MYH15: variants seen among roughly 807,000 people sequenced by gnomAD.
The protein encoded by MYH15 is myosin-15.
A neutral mutation model predicts 240.5 loss-of-function variants in MYH15; 227 were observed. That is an observed-to-expected ratio of 0.94 (90% CI 0.85 to 1.05). The LOEUF (loss-of-function observed/expected upper bound fraction) is 1.05. MYH15 is among the 50% of genes least tolerant of loss of function. The pLI is 0.00. For missense variants in MYH15, 2,217 were observed against 2,247.5 expected (o/e 0.99, Z 0.27); for synonymous variants, 785 against 796.7 (o/e 0.99, Z 0.25).
intron 21 of MYH15, among the ~76,000 whole-genome samples, chr3:108,450,349 T>C (rs995252964): frequency 2.6e-5 from 4 of 152,292 alleles, no homozygotes; most frequent in Admixed American, 2.0e-4. Context: ...AAATATACAA[T>C]GAAATATTAT....
At chr3:108,425,076 G>A (rs563696670) in intron 27 of MYH15, among the ~76,000 whole-genome samples, 1 of 152,340 alleles carries the variant, frequency 6.6e-6, no homozygotes, top group East Asian at 1.9e-4. Flanking sequence ...AGTATAAAGA[G>A]GGACCCCAAA....
chr3:108,510,020 G>A (rs1270395497), intron 1 of MYH15, among the ~76,000 whole-genome samples: 1 of 152,136 alleles, frequency 6.6e-6, no homozygotes, highest in Non-Finnish European at 1.5e-5. Context: ...CCTTACCAGA[G>A]TCTTTCCCTT....
At chr3:108,505,587 T>C in intron 2 of MYH15, 136 bp downstream of exon 2, 1 of 437,046 alleles carries the variant, frequency 2.3e-6, no homozygotes, top group Non-Finnish European at 3.9e-6. Flanking sequence ...GAGGAGCTTC[T>C]TAAAATGAAT....
intron 27 of MYH15, among the ~76,000 whole-genome samples, chr3:108,427,629 CACACACAG>C (rs1193905921): frequency 0.012 from 1,397 of 117,512 alleles, 17 homozygotes; most frequent in African/African-American, 0.033. Context: ...CACACACACA[CACACACAG>C]AGAGAGAGAG....
At chr3:108,396,531 T>G (rs937318964) in intron 35 of MYH15, among the ~76,000 whole-genome samples, 2 of 152,222 alleles carry the variant, frequency 1.3e-5, no homozygotes, top group Non-Finnish European at 2.9e-5. Flanking sequence ...GCTCACCTCC[T>G]GCTGTGCAGC....
chr3:108,485,287 C>T lies in MYH15; in HGVS notation c.976-58G>A, dbSNP rs2083297130. 2.5e-6 allele frequency: 4 copies of T among 1,588,318 alleles called. No homozygotes were observed. The African/African-American group carries it at 4.0e-5, about 16-fold the overall frequency. On this transcript the variant is annotated intron_variant, in intron 10 of 40. Coordinates refer to ENST00000693548, the MANE Select transcript of MYH15 (RefSeq NM_014981.3). ...ATTTGCTTAATGGCTGCAGTGAGCA[C>T]CTCACCCCCGCTGTGTTACACCTCG... is the stretch of plus-strand genomic sequence containing the variant.
chr3:108,508,641 T>C (rs2083497472), intron 1 of MYH15, among the ~76,000 whole-genome samples: 1 of 152,190 alleles, frequency 6.6e-6, no homozygotes, highest in African/African-American at 2.4e-5. Context: ...TCACCCATAA[T>C]CAAACAACTC....
At chr3:108,419,138 C>T (rs546484690) in intron 28 of MYH15, among the ~76,000 whole-genome samples, 1 of 152,244 alleles carries the variant, frequency 6.6e-6, no homozygotes, top group South Asian at 2.1e-4. Flanking sequence ...ATCACATTTA[C>T]TATTGGTTTC....
At chr3:108,475,272 C>T (rs1186049684) in intron 12 of MYH15, among the ~76,000 whole-genome samples, 1 of 152,076 alleles carries the variant, frequency 6.6e-6, no homozygotes, top group Non-Finnish European at 1.5e-5. Flanking sequence ...TTAACATTCT[C>T]TTTGACTCAG....
intron 21 of MYH15, among the ~76,000 whole-genome samples, chr3:108,449,886 C>A (rs1163171804): frequency 6.6e-6 from 1 of 151,778 alleles, no homozygotes; most frequent in Non-Finnish European, 1.5e-5. Context: ...AGCATGAAAA[C>A]AACCCCATTA....
At chr3:108,443,298 T>C (rs1220689407) in intron 22 of MYH15, among the ~76,000 whole-genome samples, 1 of 152,154 alleles carries the variant, frequency 6.6e-6, no homozygotes, top group Non-Finnish European at 1.5e-5. Flanking sequence ...TGTAAAGTCT[T>C]ACATAAAATA....
chr3:108,450,827 A>G (rs1209752078), intron 21 of MYH15, among the ~76,000 whole-genome samples: 1 of 152,210 alleles, frequency 6.6e-6, no homozygotes, highest in East Asian at 1.9e-4. Flanking sequence ...TTTGTCAATG[A>G]TAACTGAATA....
Position 108,460,978 on chromosome 3 carries a change from G to A in MYH15, c.1865-611C>T, listed in dbSNP as rs543153458. 3.9e-5 allele frequency among the ~76,000 whole-genome samples: 6 copies of A among 151,986 alleles called. No homozygotes were observed. The East Asian group carries it at 1.2e-3, about 29-fold the overall frequency. ...TTTTTCTATATTGTCTGTGTTTTTA[G>A]CAACATTCATGTATTTATTTTCATG... On this transcript the variant is annotated intron_variant, in intron 16 of 40. Coordinates refer to ENST00000693548, the MANE Select transcript of MYH15 (RefSeq NM_014981.3).
intron 23 of MYH15, among the ~76,000 whole-genome samples, chr3:108,440,612 A>C (rs2082877003): frequency 6.6e-6 from 1 of 152,008 alleles, no homozygotes. Flanking sequence ...CTTCAAGGTC[A>C]AACTCCAAAT....
chr3:108,444,879 T>TGTTC lies in MYH15; in HGVS notation c.2415_2416insGAAC (p.Ile806GlufsTer29), dbSNP rs2082914943. On this transcript the variant is annotated frameshift_variant, in exon 22 of 41. Transcript: ENST00000693548. LOFTEE classifies it high-confidence loss of function. ...ATGAAAGCTCTTATGTTCCATTGGA[T>TGTTC]CAAAATAAGTGCATCCCTAAATCAA... 1 of 1,611,746 alleles carries TGTTC rather than the reference T, an allele frequency of 6.2e-7. No individual in the cohort carries two copies. Among genetic ancestry groups the TGTTC allele is most frequent in the African/African-American group, 1.3e-5 (1 of 74,656 alleles).
rs1459271805 is a variant in MYH15, at chr3:108,470,754, G to C, written c.1327C>G (p.Leu443Val). ...ARINRALDAK[L>V]SRQFFIGILD... is the part of the protein sequence containing the mutation. ...ATGCCAATGAAGAACTGCCTTGACAGCTTGGCATCCAGGGCCCTGTTGATC... is the reference window on the plus strand; with the variant it reads ...ATGCCAATGAAGAACTGCCTTGACACCTTGGCATCCAGGGCCCTGTTGATC... The change falls in exon 13 of 41, where the codon CTG becomes GTG. Residue 443 changes from leucine (L) to valine (V), a missense_variant. Transcript: ENST00000693548. 6.2e-7 allele frequency: 1 copy of C among 1,613,770 alleles called. No homozygotes were observed. Among genetic ancestry groups the C allele is most frequent in the South Asian group, 1.1e-5 (1 of 91,060 alleles).
Position 108,519,725 on chromosome 3 carries a change from G to A in MYH15, c.-57-9138C>T, listed in dbSNP as rs200566399. Among the ~76,000 whole-genome samples, 8 of 152,252 alleles carry A rather than the reference G, an allele frequency of 5.3e-5. No homozygotes were observed. The East Asian group carries it at 1.2e-3, about 22-fold the overall frequency. The stretch of plus-strand genomic sequence containing the variant: ...CATTGTCATGATAATATTCCTTAGG[G>A]TCAGTGACCCACGATCTGCATAATA... On this transcript the variant is annotated intron_variant, in intron 1 of 41. Coordinates refer to the MYH15 transcript ENST00000273353.
chr3:108,419,411 G>T (rs971630244), intron 28 of MYH15, among the ~76,000 whole-genome samples: 4 of 152,052 alleles, frequency 2.6e-5, no homozygotes, highest in African/African-American at 9.7e-5. Context: ...TATTTTACTC[G>T]CTACCCACTA....
At chr3:108,518,297 T>C (rs1025806562) in intron 1 of MYH15, among the ~76,000 whole-genome samples, 4 of 152,218 alleles carry the variant, frequency 2.6e-5, no homozygotes, top group African/African-American at 9.7e-5. Flanking sequence ...TCCTACTTTG[T>C]TCACCTTTAC....
Sources: allele counts gnomAD v4.1 joint callset (sites outside exome capture counted in the v4.1 genomes callset), GRCh38; gene constraint gnomAD v4.1.1; transcripts MANE v1.5; gene names NCBI Gene and HGNC (gene_info 2026-07-23, HGNC 2026-07-21).